Variants in FLRT3 observed in about 807,000 individuals in gnomAD.
FLRT3 encodes the protein leucine-rich repeat transmembrane protein FLRT3.
FLRT3 carries 17 observed loss-of-function variants against 42.6 expected under a neutral mutation model. That is an observed-to-expected ratio of 0.40 (90% CI 0.27 to 0.60). FLRT3 has a LOEUF of 0.60. FLRT3 is among the 20% of genes least tolerant of loss of function. The pLI, the probability that FLRT3 is intolerant of heterozygous loss-of-function variation, is 0.44. For synonymous variants in FLRT3, 279 were observed against 286.4 expected, an observed-to-expected ratio of 0.97 and a Z score of 0.26; for missense variants, 635 against 789.2, an observed-to-expected ratio of 0.80 and a Z score of 2.34.
At chr20:14,333,730 G>A (rs566373049) in intron 1 of FLRT3, among the ~76,000 whole-genome samples, 9 of 152,204 alleles carry the variant, frequency 5.9e-5, no homozygotes, top group African/African-American at 1.9e-4. Context: ...CTACTGTGTG[G>A]CAAGCACTAT....
At chr20:14,331,705 T>A (rs1467901416) in intron 1 of FLRT3, among the ~76,000 whole-genome samples, 1 of 152,126 alleles carries the variant, frequency 6.6e-6, no homozygotes, top group Non-Finnish European at 1.5e-5. Context: ...TAAACAGATT[T>A]TTGGGTTTTG....
rs1474404888 is a variant in FLRT3 at position 14,325,815 on chromosome 20, T to C, written c.1692A>G (p.Ala564=). Residue 564 remains alanine, a synonymous_variant, in exon 3 of 3, where the codon GCA becomes GCG. Coordinates refer to ENST00000341420, the MANE Select transcript of FLRT3 (RefSeq NM_198391.3). ...CCTTTCTTCTCCTCCCTTTGCTATA[T>C]GCACAGTTCCTTGAGAAGAGCGATC... ...RNGSLFSRNC[A]YSKGRRRKDD... is the part of the protein sequence containing the mutation. The C allele has an allele frequency of 1.9e-6, 3 of 1,613,952 alleles. No homozygotes were observed. Among genetic ancestry groups the C allele is most frequent in the Non-Finnish European group, 1.7e-6 (2 of 1,179,862 alleles).
Position 14,326,749 on chromosome 20 carries a change from T to A in FLRT3, c.758A>T (p.Tyr253Phe). The change falls in exon 3 of 3, where the codon TAT (tyrosine) becomes TTT (phenylalanine). Residue 253 changes from tyrosine to phenylalanine, a missense_variant. Tyr to Phe is a conservative substitution (Grantham distance 22, BLOSUM62 3). Transcript: ENST00000341420. The surrounding 1 kb of genome is among the most constrained non-coding windows in gnomAD (Gnocchi z 5.5). ...NLPGTNLRKL[Y>F]LQDNHINRVP... ...CCGATTGATGTGGTTATCTTGAAGA[T>A]AAAGCTTCCTCAGGTTTGTGCCTGG... The A allele has an allele frequency of 1.9e-6, 3 of 1,613,814 alleles. No individual in the cohort carries two copies. Among genetic ancestry groups the A allele is most frequent in the Non-Finnish European group, 2.5e-6 (3 of 1,179,820 alleles).
At chr20:14,336,323 A>C (rs1468787108) in intron 1 of FLRT3, among the ~76,000 whole-genome samples, 2 of 151,974 alleles carry the variant, frequency 1.3e-5, no homozygotes, top group Non-Finnish European at 2.9e-5. Flanking sequence ...TAAAAATTGA[A>C]AAAAAAATCA....
In FLRT3 at chr20:14,326,564, A is replaced by T. The variant is rs1397000009; in HGVS notation, c.943T>A (p.Trp315Arg). Residue 315 changes from tryptophan (W) to arginine (R), a missense_variant, in exon 3 of 3, where the codon TGG becomes AGG. Physicochemically the swap from Trp to Arg is moderately radical, Grantham distance 101 (BLOSUM62 -3). Coordinates refer to ENST00000341420, the MANE Select transcript of FLRT3 (RefSeq NM_198391.3). This position sits in a 1 kb window ranked among gnomAD's most constrained non-coding sequence, Gnocchi z 5.5. ...NPWYCGCKMK[W>R]VRDWLQSLPV... ...AGTGATTGTAACCAGTCACGTACCC[A>T]TTTCATCTTGCACCCGCAATACCAG... 6.2e-7 allele frequency: 1 copy of T among 1,613,898 alleles called. No individual in the cohort carries two copies. Among genetic ancestry groups the T allele is most frequent in the Admixed American group, 1.7e-5 (1 of 59,976 alleles).
In FLRT3 at chr20:14,324,336, C is replaced by T. The variant is rs1457364175; in HGVS notation, c.*1221G>A. ...ACAGAAAAGTGATATGGTTTTTCAA[C>T]AAGTAACAGCTCACAATTCAGTAGG... is the stretch of plus-strand genomic sequence containing the variant. On this transcript the variant is annotated 3_prime_UTR_variant, in exon 3 of 3. Coordinates refer to ENST00000341420, the MANE Select transcript of FLRT3 (RefSeq NM_198391.3). 1.3e-5 allele frequency: 2 copies of T among 151,674 alleles called. No individual in the cohort carries two copies. Among genetic ancestry groups the T allele is most frequent in the Non-Finnish European group, 2.9e-5 (2 of 67,886 alleles). 9.4% of individuals were successfully genotyped at this position (151,674 alleles called of 1,614,324 possible).
chr20:14,324,183 G>A lies in FLRT3; in HGVS notation c.*1374C>T, dbSNP rs1472892007. 1.3e-5 allele frequency: 2 copies of A among 152,406 alleles called. No individual in the cohort carries two copies. Among genetic ancestry groups the A allele is most frequent in the Non-Finnish European group, 2.9e-5 (2 of 67,996 alleles). 9.4% of individuals were successfully genotyped at this position (152,406 alleles called of 1,614,324 possible). On this transcript the variant is annotated 3_prime_UTR_variant, in exon 3 of 3. Transcript: ENST00000341420. ...TAAGACCATAATTTTTCATATTTAA[G>A]GAGTATGAAAAATTTGTGGAGTTTT...
At chr20:14,330,291 G>C (rs1057137230) in intron 1 of FLRT3, among the ~76,000 whole-genome samples, 5 of 152,022 alleles carry the variant, frequency 3.3e-5, no homozygotes, top group Non-Finnish European at 7.4e-5. Flanking sequence ...TGAGAGTTTA[G>C]AGGAGGTGAG....
In FLRT3 at chr20:14,326,138, C is replaced by G; in HGVS notation, c.1369G>C (p.Val457Leu). The change falls in exon 3 of 3, where the codon GTA (valine) becomes CTA (leucine). Residue 457 changes from valine to leucine, a missense_variant. By Grantham distance (32) the Val-to-Leu change is conservative. Transcript: ENST00000341420. The surrounding 1 kb of genome is among the most constrained non-coding windows in gnomAD (Gnocchi z 5.5). ...AAGTACTCACTGCGTTCCCCTGTTA[C>G]AATTGTTTCTGTTATAGATCCAAAT... ...PAFGSITETIVTGERSEYLVT... is the reference protein window; with the variant it reads ...PAFGSITETILTGERSEYLVT... The G allele has an allele frequency of 6.2e-7, 1 of 1,613,888 alleles. No homozygotes were observed. Among genetic ancestry groups the G allele is most frequent in the African/African-American group, 1.3e-5 (1 of 75,038 alleles).
intron 1 of FLRT3, among the ~76,000 whole-genome samples, chr20:14,336,002 A>T (rs557998353): frequency 1.3e-5 from 2 of 152,262 alleles, no homozygotes; most frequent in South Asian, 4.1e-4. Flanking sequence ...CTTTTAAAGG[A>T]TTAATTTTTC....
At chr20:14,331,084 G>A (rs1159118022) in intron 1 of FLRT3, among the ~76,000 whole-genome samples, 1 of 152,094 alleles carries the variant, frequency 6.6e-6, no homozygotes, top group Non-Finnish European at 1.5e-5. Context: ...TTCCAGGGAT[G>A]ATGGTGAGGC....
intron 1 of FLRT3, among the ~76,000 whole-genome samples, chr20:14,336,311 A>G (rs1297446772): frequency 1.3e-5 from 2 of 151,968 alleles, no homozygotes; most frequent in African/African-American, 2.4e-5. Flanking sequence ...GAGATTTTGG[A>G]CTAAAAATTG....
chr20:14,325,668 G>A lies in FLRT3; in HGVS notation c.1839C>T (p.Thr613=). Residue 613 remains threonine (T), a synonymous_variant, in exon 3 of 3, where the codon ACC becomes ACT. Coordinates refer to ENST00000341420, the MANE Select transcript of FLRT3 (RefSeq NM_198391.3). ...PISKEEFVIH[T]IFPPNGMNLY... Reference sequence around the variant, plus strand: ...GATTCATTCCATTAGGAGGAAATATGGTGTGTATTACAAACTCCTCCTTCG... The same window carrying A: ...GATTCATTCCATTAGGAGGAAATATAGTGTGTATTACAAACTCCTCCTTCG... 6.2e-7 allele frequency: 1 copy of A among 1,613,692 alleles called. No individual in the cohort carries two copies. Among genetic ancestry groups the A allele is most frequent in the African/African-American group, 1.3e-5 (1 of 74,980 alleles).
chr20:14,327,367 C>T lies in FLRT3; in HGVS notation c.140G>A (p.Arg47His), dbSNP rs1373130409. 1.2e-6 allele frequency: 2 copies of T among 1,613,614 alleles called. No homozygotes were observed. The highest frequency in any genetic ancestry group is 2.2e-5 in the East Asian group (1 of 44,850). ...CDAGFIYCND[R>H]FLTSIPTGIP... ...TCCTGTTGGAATGGATGTCAGAAAG[C>T]GATCATTACAGTAAATGAAACCCGC... The change falls in exon 3 of 3, where the codon CGC becomes CAC. Residue 47 changes from arginine to histidine, a missense_variant. By Grantham distance (29) the Arg-to-His change is conservative (BLOSUM62 0). Transcript: ENST00000341420.
intron 1 of FLRT3, among the ~76,000 whole-genome samples, chr20:14,336,158 T>G (rs1214219505): frequency 6.6e-6 from 1 of 152,148 alleles, no homozygotes; most frequent in African/African-American, 2.4e-5. Context: ...TGAAAGGCAT[T>G]GCTACAGCTG....
intron 2 of FLRT3, among the ~76,000 whole-genome samples, chr20:14,328,163 G>A (rs892954110): frequency 6.6e-6 from 1 of 151,868 alleles, no homozygotes; most frequent in African/African-American, 2.4e-5. Context: ...ATTTTCTTTG[G>A]TTATTAATTT....
chr20:14,330,585 T>A (rs1486263594), intron 1 of FLRT3, among the ~76,000 whole-genome samples: 2 of 152,106 alleles, frequency 1.3e-5, no homozygotes, highest in Non-Finnish European at 2.9e-5. Context: ...AACATGGTCA[T>A]AGGCTATATT....
chr20:14,332,200 G>A (rs974251674), intron 1 of FLRT3, among the ~76,000 whole-genome samples: 1 of 152,016 alleles, frequency 6.6e-6, no homozygotes, highest in Admixed American at 6.6e-5. Context: ...AATAAAAATT[G>A]TGGGGTTTTT....
In FLRT3 at chr20:14,329,198, C is replaced by CTGAAAT. The variant is rs2082790228; in HGVS notation, c.-118_-117insATTTCA. 1 of 152,020 alleles carries CTGAAAT rather than the reference C, an allele frequency of 6.6e-6. No homozygotes were observed. The highest frequency in any genetic ancestry group is 1.5e-5 in the Non-Finnish European group (1 of 67,994). The allele number at this position is 152,020 out of a possible 1,614,324, so 9.4% of individuals were successfully genotyped here. On this transcript the variant is annotated 5_prime_UTR_variant, in exon 2 of 3. Coordinates refer to ENST00000341420, the MANE Select transcript of FLRT3 (RefSeq NM_198391.3). ...GATTTTTCAGAATGTCTGGTGCAGTCACGTTATACAAGAACAGGTATTCTC... is the reference window on the plus strand; with the variant it reads ...GATTTTTCAGAATGTCTGGTGCAGTCTGAAATACGTTATACAAGAACAGGTATTCTC...
Sources: gnomAD v4.1 joint callset for allele counts (sites outside exome capture counted in the v4.1 genomes callset) on GRCh38, gnomAD v4.1.1 for gene constraint, Gnocchi (gnomAD v3.1) non-coding constraint, MANE v1.5 for transcripts, NCBI Gene and HGNC (gene_info 2026-07-23, HGNC 2026-07-21) for gene names.